AXDND1: variants seen among roughly 807,000 people sequenced by gnomAD.
AXDND1 encodes the protein axonemal dynein light chain domain-containing protein 1.
A neutral mutation model predicts 137.5 loss-of-function variants in AXDND1; 110 were observed. That is an observed-to-expected ratio of 0.80 (90% CI 0.69 to 0.94). The LOEUF (loss-of-function observed/expected upper bound fraction) is 0.94, where lower values mean the gene tolerates loss of function less well. Among genes scored for constraint, AXDND1 ranks in the 40% least tolerant of loss-of-function variants. AXDND1 has a pLI of 0.00. For missense variants in AXDND1, 1,191 were observed against 1,169.8 expected, an observed-to-expected ratio of 1.02 and a Z score of -0.26; for synonymous variants, 414 against 399.7, an observed-to-expected ratio of 1.04 and a Z score of -0.43.
chr1:179,546,549 C>T (rs1002356654), intron 25 of AXDND1, among the ~76,000 whole-genome samples: 3 of 152,148 alleles, frequency 2.0e-5, no homozygotes, highest in Admixed American at 1.3e-4. Flanking sequence ...GTTGTGCTTG[C>T]ATATGGGAGA....
At chr1:179,493,993 C>T (rs1266419091) in intron 20 of AXDND1, among the ~76,000 whole-genome samples, 1 of 152,058 alleles carries the variant, frequency 6.6e-6, no homozygotes, top group African/African-American at 2.4e-5. Context: ...GCTCTGTTGC[C>T]CAGGCTGGAG....
intron 22 of AXDND1, among the ~76,000 whole-genome samples, chr1:179,528,068 T>C (rs976896650): frequency 2.0e-5 from 3 of 152,226 alleles, no homozygotes; most frequent in Non-Finnish European, 4.4e-5. Flanking sequence ...ATCTCTCCTA[T>C]AGTACTGTCA....
chr1:179,366,825 C>T (rs11804236), intron 2 of AXDND1, among the ~76,000 whole-genome samples: 67,968 of 151,720 alleles, frequency 0.45, 15,323 homozygotes, highest in Non-Finnish European at 0.49. Context: ...TACTTTTTTT[C>T]AAATGTTGAT....
At chr1:179,432,190 G>C in intron 14 of AXDND1, 77 bp from the exon 15 acceptor site, 1 of 1,442,072 alleles carries the variant, frequency 6.9e-7, no homozygotes, top group Non-Finnish European at 9.2e-7. Context: ...TAGTTGTTTA[G>C]TCTTTAGTGT....
intron 12 of AXDND1, among the ~76,000 whole-genome samples, chr1:179,418,666 G>A (rs1349330682): frequency 7.1e-6 from 1 of 141,210 alleles, no homozygotes; most frequent in Non-Finnish European, 1.6e-5. Context: ...CCGGGTGGGG[G>A]GCCGACACCA....
intron 20 of AXDND1, 129 bp downstream of exon 20, chr1:179,493,080 A>C: frequency 1.7e-6 from 1 of 588,806 alleles, no homozygotes. Context: ...TAAAATATGC[A>C]TATACTCATA....
At chr1:179,493,079 C>CAT in intron 20 of AXDND1, 128 bp downstream of exon 20, 2 of 585,034 alleles carry the variant, frequency 3.4e-6, no homozygotes, top group Non-Finnish European at 5.7e-6. Context: ...CTAAAATATG[C>CAT]ATATACTCAT....
chr1:179,541,998 A>G (rs1030349410), intron 25 of AXDND1, among the ~76,000 whole-genome samples: 3 of 152,218 alleles, frequency 2.0e-5, no homozygotes, highest in African/African-American at 7.2e-5. Flanking sequence ...AAGGCAGAAA[A>G]AAGACCAGAA....
At chr1:179,376,017 C>T (rs1396368791) in intron 4 of AXDND1, among the ~76,000 whole-genome samples, 6 of 152,186 alleles carry the variant, frequency 3.9e-5, no homozygotes, top group Non-Finnish European at 1.5e-5. Context: ...TGCCAAATGG[C>T]ATTGCCCTCA....
chr1:179,455,295 T>TA (rs1323767767), intron 16 of AXDND1: 41 of 52,548 alleles, frequency 7.8e-4, no homozygotes, highest in East Asian at 6.1e-3. Context: ...AAAAAAAAAG[T>TA]AAAAAAAAAA....
intron 20 of AXDND1, among the ~76,000 whole-genome samples, chr1:179,494,860 C>A (rs1452709814): frequency 6.6e-6 from 1 of 151,984 alleles, no homozygotes. Context: ...AGTCTATGAC[C>A]CATTTTGAGT....
chr1:179,406,697 T>A (rs1653026061), intron 11 of AXDND1, among the ~76,000 whole-genome samples: 1 of 152,210 alleles, frequency 6.6e-6, no homozygotes, highest in South Asian at 2.1e-4. Context: ...GGTTTCTGTC[T>A]GCATAGAGTG....
intron 11 of AXDND1, among the ~76,000 whole-genome samples, chr1:179,408,088 T>A (rs1653258686): frequency 6.6e-6 from 1 of 152,196 alleles, no homozygotes; most frequent in South Asian, 2.1e-4. Flanking sequence ...ATTTATTGAA[T>A]TCTTCAGTTC....
chr1:179,549,989 A>G (rs1673045191), intron 25 of AXDND1, among the ~76,000 whole-genome samples: 1 of 152,000 alleles, frequency 6.6e-6, no homozygotes, highest in African/African-American at 2.4e-5. Context: ...TTCTGACACC[A>G]TACTCCTGGG....
chr1:179,447,006 A>G (rs1294244824), intron 16 of AXDND1, among the ~76,000 whole-genome samples: 1 of 152,192 alleles, frequency 6.6e-6, no homozygotes, highest in East Asian at 1.9e-4. Flanking sequence ...GATCAAGGTC[A>G]GGGTATTTGA....
chr1:179,474,585 TG>T lies in AXDND1; in HGVS notation c.1997+5945del, dbSNP rs1193909370. ...TTTAGTAAAGAGACTGGTGGCATTT[TG>T]ACTCTGCCCTAGAAATCTGAGGAAC... On this transcript the variant is annotated intron_variant, in intron 17 of 25. Coordinates refer to ENST00000367618, the MANE Select transcript of AXDND1 (RefSeq NM_144696.6). Among the ~76,000 whole-genome samples, 4 of 152,298 alleles carry T rather than the reference TG, an allele frequency of 2.6e-5. No homozygotes were observed. In the East Asian group the frequency reaches 7.7e-4, roughly 29 times the overall value.
intron 21 of AXDND1, among the ~76,000 whole-genome samples, chr1:179,525,036 GA>G (rs1473264390): frequency 1.3e-5 from 2 of 151,954 alleles, no homozygotes; most frequent in Non-Finnish European, 2.9e-5. Flanking sequence ...CATCCTTCAA[GA>G]AAAAAACTCA....
chr1:179,550,876 A>C (rs760150467), intron 25 of AXDND1: 2 of 427,352 alleles, frequency 4.7e-6, no homozygotes, highest in African/African-American at 4.0e-5. Context: ...CCAAGTTCCC[A>C]GAAGTCAAAA....
At chr1:179,487,815 G>A (rs1360579553) in intron 18 of AXDND1, among the ~76,000 whole-genome samples, 1 of 147,826 alleles carries the variant, frequency 6.8e-6, no homozygotes, top group Admixed American at 6.7e-5. Context: ...GGTCAACACA[G>A]TGAGAACTCA....
Sources: allele counts gnomAD v4.1 joint callset (sites outside exome capture counted in the v4.1 genomes callset), GRCh38; gene constraint gnomAD v4.1.1; transcripts MANE v1.5; gene names NCBI Gene and HGNC (gene_info 2026-07-23, HGNC 2026-07-21).